Variants in ACE observed in about 807,000 individuals in gnomAD.
ACE encodes angiotensin-converting enzyme.
ACE carries 122 observed loss-of-function variants against 162.3 expected under a neutral mutation model. The observed-to-expected ratio is 0.75, with a 90% confidence interval of 0.65 to 0.87. The LOEUF (loss-of-function observed/expected upper bound fraction) is 0.87. Ranked by LOEUF, ACE falls within the 40% of genes least tolerant of loss-of-function variation. The pLI, the probability that ACE is intolerant of heterozygous loss-of-function variation, is 0.00. For missense variants in ACE, 1,799 were observed against 1,735.1 expected (o/e 1.04, Z -0.65); for synonymous variants, 796 against 720.6 (o/e 1.10, Z -1.68).
chr17:63,477,184 G>T lies in ACE; in HGVS notation c.90G>T (p.Leu30Phe), dbSNP rs1450600177. ...TGCCGCCGCAGCCCGCCCTGGCGTTGGACCCCGGGCTGCAGCCCGGCAACT... is the reference window on the plus strand; with the variant it reads ...TGCCGCCGCAGCCCGCCCTGGCGTTTGACCCCGGGCTGCAGCCCGGCAACT... ...LLLPPQPALALDPGLQPGNFS... is the reference protein window; with the variant it reads ...LLLPPQPALAFDPGLQPGNFS... Residue 30 changes from leucine (L) to phenylalanine (F), a missense_variant, in exon 1 of 25, where the codon TTG becomes TTT. By Grantham distance (22) the Leu-to-Phe change is conservative. Transcript: ENST00000290866. 2 of 1,470,816 alleles carry T rather than the reference G, an allele frequency of 1.4e-6. No individual in the cohort carries two copies. Among genetic ancestry groups the T allele is most frequent in the African/African-American group, 2.9e-5 (2 of 67,884 alleles). 91.1% of individuals were successfully genotyped at this position (1,470,816 alleles called of 1,614,324 possible).
chr17:63,478,531 C>G, intron 2 of ACE: 1 of 308,674 alleles, frequency 3.2e-6, no homozygotes, highest in South Asian at 3.1e-5. Context: ...CTTGGTGGTG[C>G]GTGCACCTAC....
Position 63,486,991 on chromosome 17 carries a change from C to T in ACE, c.2223C>T (p.Asn741=). The T allele has an allele frequency of 1.2e-6, 2 of 1,613,644 alleles. No individual in the cohort carries two copies. Among genetic ancestry groups the T allele is most frequent in the Non-Finnish European group, 8.5e-7 (1 of 1,179,754 alleles). ...ALPAQELEEY[N]KILLDMETTY... ...GCCTCTCCTTCCTCCTGCAGTACAA[C>T]AAGATCCTGTTGGATATGGAAACCA... Residue 741 remains asparagine (N), a synonymous_variant, in exon 15 of 25, where the codon AAC becomes AAT. Transcript: ENST00000290866.
chr17:63,495,152 C>T (rs1329398231), intron 22 of ACE, among the ~76,000 whole-genome samples: 1 of 152,214 alleles, frequency 6.6e-6, no homozygotes, highest in Non-Finnish European at 1.5e-5. Flanking sequence ...ATTCATCACT[C>T]TCTAGTGGAA....
chr17:63,497,090 C>T, intron 24 of ACE, 47 bp from the exon 25 acceptor site: 1 of 1,576,548 alleles, frequency 6.3e-7, no homozygotes, highest in Non-Finnish European at 8.6e-7. Flanking sequence ...CACCCTTGCC[C>T]TGCCCTGCCC....
intron 9 of ACE, 74 bp from the exon 10 acceptor site, chr17:63,483,386 G>A: frequency 1.3e-6 from 2 of 1,496,294 alleles, no homozygotes; most frequent in Non-Finnish European, 1.9e-6. Flanking sequence ...GGGTGGAAAT[G>A]CCTTTTCTAC....
In ACE at chr17:63,484,704, G is replaced by A; in HGVS notation, c.1921+163G>A. On this transcript the variant is annotated intron_variant, in intron 12 of 24. Coordinates refer to ENST00000290866, the MANE Select transcript of ACE (RefSeq NM_000789.4). This position sits in a 1 kb window ranked among gnomAD's most constrained non-coding sequence, Gnocchi z 4.0. ...CTCATCAGCAGGGCCTGCGAGTGGG[G>A]ACAGGCATGTCTTTCCCCCAGCATC... 4 of 1,450,204 alleles carry A rather than the reference G, an allele frequency of 2.8e-6. No homozygotes were observed. The highest frequency in any genetic ancestry group is 3.6e-6 in the Non-Finnish European group (4 of 1,103,488). 89.8% of individuals were successfully genotyped at this position (1,450,204 alleles called of 1,614,324 possible). A position where few individuals can be genotyped will look rare whatever the true frequency, so the allele number is the denominator to read the frequency against.
Position 63,494,077 on chromosome 17 carries a change from A to G in ACE, c.3281+11A>G, listed in dbSNP as rs1323614653. ...GTGGTGGAGCCTCAGGTTCTGGAAC[A>G]CTCCCACGGGATGCGGGCTGGGGGA... is the stretch of plus-strand genomic sequence containing the variant. On this transcript the variant is annotated intron_variant, in intron 21 of 24. Transcript: ENST00000290866. 6.8e-6 allele frequency: 11 copies of G among 1,613,558 alleles called. No homozygotes were observed. Among genetic ancestry groups the G allele is most frequent in the Non-Finnish European group, 9.3e-6 (11 of 1,179,968 alleles).
intron 3 of ACE, 84 bp downstream of exon 3, chr17:63,479,184 G>C (rs1330527813): frequency 2.4e-5 from 28 of 1,175,960 alleles, no homozygotes; most frequent in Non-Finnish European, 2.1e-5. Flanking sequence ...CAGTTGTGTA[G>C]GGTCTGTGGA....
chr17:63,496,201 A>T, intron 22 of ACE, 193 bp from the exon 23 acceptor site: 1 of 743,266 alleles, frequency 1.3e-6, no homozygotes, highest in South Asian at 1.7e-5. Flanking sequence ...GGCTAGGAAG[A>T]GGCTCAGACA....
intron 20 of ACE, 27 bp downstream of exon 20, chr17:63,493,686 G>A (rs368588652): frequency 7.4e-6 from 12 of 1,610,742 alleles, no homozygotes; most frequent in Non-Finnish European, 9.3e-6. Flanking sequence ...AGGCCCTGGT[G>A]GGCTGAGGAC....
At chr17:63,490,561 C>A in intron 17 of ACE, 1 of 295,502 alleles carries the variant, frequency 3.4e-6, no homozygotes, top group Non-Finnish European at 6.6e-6. Context: ...TACCTGGGTG[C>A]AGACAGGATT....
chr17:63,494,117 T>C, intron 21 of ACE, 51 bp downstream of exon 21: 1 of 1,609,780 alleles, frequency 6.2e-7, no homozygotes, highest in South Asian at 1.1e-5. Context: ...TGCGAGTGTC[T>C]GCATGTGCCT....
chr17:63,496,203 G>A, intron 22 of ACE, 191 bp from the exon 23 acceptor site: 1 of 772,216 alleles, frequency 1.3e-6, no homozygotes, highest in Non-Finnish European at 2.1e-6. Flanking sequence ...CTAGGAAGAG[G>A]CTCAGACAAT....
intron 13 of ACE, 107 bp downstream of exon 13, chr17:63,485,479 T>A: frequency 6.6e-7 from 1 of 1,507,134 alleles, no homozygotes; most frequent in African/African-American, 1.4e-5. Flanking sequence ...ATTGAATATT[T>A]AAAACAATAC....
At chr17:63,478,293 C>G (rs779539486) in intron 2 of ACE, 195 bp downstream of exon 2, 22 of 714,260 alleles carry the variant, frequency 3.1e-5, no homozygotes, top group Non-Finnish European at 4.8e-5. Context: ...GAGTTACTTT[C>G]TGTTAAAGGA....
rs2029869335 is a variant in ACE, at chr17:63,485,132, G to GT, written c.1922-104_1922-103insT. The GT allele has an allele frequency of 5.7e-6, 9 of 1,582,664 alleles. No homozygotes were observed. The South Asian group carries it at 9.1e-5, about 16-fold the overall frequency. The stretch of plus-strand genomic sequence containing the variant: ...AGAGGCGGGGCCGGGTAGGGACAGG[G>GT]CAGGGTACAAGGGAGTGCGAGAGGG... On this transcript the variant is annotated intron_variant, in intron 12 of 24. Coordinates refer to ENST00000290866, the MANE Select transcript of ACE (RefSeq NM_000789.4).
chr17:63,479,425 C>T (rs1158450222), intron 3 of ACE, among the ~76,000 whole-genome samples: 5 of 152,186 alleles, frequency 3.3e-5, no homozygotes, highest in Non-Finnish European at 5.9e-5. Context: ...AGGGACCCCT[C>T]GTGGCTTCCC....
At chr17:63,485,412 A>T (rs1329676695) in intron 13 of ACE, 40 bp downstream of exon 13, 3 of 1,612,114 alleles carry the variant, frequency 1.9e-6, no homozygotes, top group Admixed American at 3.3e-5. Context: ...GAGCATGTGC[A>T]TACACACAGA....
rs1453268362 is a variant in ACE at position 63,483,007 on chromosome 17, C to T, written c.1343-22C>T. The T allele has an allele frequency of 5.0e-6, 8 of 1,613,450 alleles. No homozygotes were observed. In the Admixed American group the frequency reaches 8.3e-5, roughly 17 times the overall value. On this transcript the variant is annotated intron_variant, in intron 8 of 24. Coordinates refer to ENST00000290866, the MANE Select transcript of ACE (RefSeq NM_000789.4). The stretch of plus-strand genomic sequence containing the variant: ...TTCTCCCTCTGACCTCTTCCCTCTC[C>T]TTTCATCTCATCTCCCAACAGAAAG...
Sources: allele counts gnomAD v4.1 joint callset (sites outside exome capture counted in the v4.1 genomes callset), GRCh38; gene constraint gnomAD v4.1.1; non-coding constraint Gnocchi (gnomAD v3.1); transcripts MANE v1.5; gene names NCBI Gene and HGNC (gene_info 2026-07-23, HGNC 2026-07-21).